The following CNIH1 variants were observed in gnomAD, a reference collection of about 807,000 sequenced individuals.
The protein encoded by CNIH1 is cornichon family member 1.
A neutral mutation model predicts 20.2 loss-of-function variants in CNIH1; 12 were observed. That is an observed-to-expected ratio of 0.59 (90% CI 0.38 to 0.96). The LOEUF (loss-of-function observed/expected upper bound fraction) is 0.96. Ranked by LOEUF, CNIH1 falls within the 40% of genes least tolerant of loss-of-function variation. The probability of loss-of-function intolerance (pLI) is 0.00; values close to 1 mark genes in which losing one functional copy is unlikely to be tolerated. For synonymous variants in CNIH1, 69 were observed against 63.3 expected (o/e 1.09, Z -0.43); for missense variants, 152 against 178.8 (o/e 0.85, Z 0.85).
chr14:54,424,604 G>C lies in CNIH1; in HGVS notation c.*3210C>G, dbSNP rs2030790935. 1.3e-5 allele frequency: 2 copies of C among 152,184 alleles called. No homozygotes were observed. Among genetic ancestry groups the C allele is most frequent in the South Asian group, 4.1e-4 (2 of 4,832 alleles). 9.4% of individuals were successfully genotyped at this position (152,184 alleles called of 1,614,324 possible). On this transcript the variant is annotated 3_prime_UTR_variant, in exon 5 of 5. Coordinates refer to ENST00000216416, the MANE Select transcript of CNIH1 (RefSeq NM_005776.3). ...AGGAGAAGAGAGGTGTTGTACAAAG[G>C]ATTTTGCTGGTTTCAAAGCACATAC...
intron 3 of CNIH1, 68 bp downstream of exon 3, chr14:54,432,040 A>G: frequency 1.4e-6 from 1 of 722,570 alleles, no homozygotes. Flanking sequence ...CATGTAAGAT[A>G]ACCATATCAA....
chr14:54,441,012 T>G (rs376940815), intron 1 of CNIH1, among the ~76,000 whole-genome samples: 3 of 150,962 alleles, frequency 2.0e-5, no homozygotes, highest in East Asian at 3.9e-4. Flanking sequence ...AGGGGAGGAG[T>G]AGCGGTGCGC....
chr14:54,436,274 T>C, intron 2 of CNIH1, 95 bp downstream of exon 2: 1 of 765,564 alleles, frequency 1.3e-6, no homozygotes, highest in South Asian at 1.5e-5. Context: ...ACAAATATAT[T>C]ATGCTACTCA....
intron 2 of CNIH1, among the ~76,000 whole-genome samples, chr14:54,434,362 G>A (rs139150891): frequency 4.0e-4 from 61 of 152,144 alleles, no homozygotes; most frequent in Middle Eastern, 6.8e-3. Context: ...GCCAGGAATC[G>A]CACATTACCT....
In CNIH1 at chr14:54,427,721, G is replaced by T; in HGVS notation, c.*93C>A. 1 of 1,287,392 alleles carries T rather than the reference G, an allele frequency of 7.8e-7. No homozygotes were observed. The highest frequency in any genetic ancestry group is 1.1e-6 in the Non-Finnish European group (1 of 901,096). 79.7% of individuals were successfully genotyped at this position (1,287,392 alleles called of 1,614,324 possible). Reference sequence around the variant, plus strand: ...TTAAAGTAACTGATCAGATTCCACAGGCTACTCTTGGACAGGATCTTGCTG... The same window carrying T: ...TTAAAGTAACTGATCAGATTCCACATGCTACTCTTGGACAGGATCTTGCTG... On this transcript the variant is annotated 3_prime_UTR_variant, in exon 5 of 5. Transcript: ENST00000216416.
chr14:54,435,821 C>T (rs1030843867), intron 2 of CNIH1, among the ~76,000 whole-genome samples: 2 of 152,214 alleles, frequency 1.3e-5, no homozygotes, highest in Admixed American at 1.3e-4. Flanking sequence ...AACCAACTTT[C>T]AAGTACTACA....
At chr14:54,433,815 CT>C (rs2140003392) in intron 2 of CNIH1, among the ~76,000 whole-genome samples, 1 of 152,252 alleles carries the variant, frequency 6.6e-6, no homozygotes, top group Non-Finnish European at 1.5e-5. Flanking sequence ...CCCTCCCGCT[CT>C]TAATATTACT....
At position 54,425,518 on chromosome 14, in the gene CNIH1, G is replaced by A. The variant is rs1313702038; in HGVS notation, c.*2296C>T. On this transcript the variant is annotated 3_prime_UTR_variant, in exon 5 of 5. Coordinates refer to ENST00000216416, the MANE Select transcript of CNIH1 (RefSeq NM_005776.3). The stretch of plus-strand genomic sequence containing the variant: ...TAATAGGCTAGGGCCACCCCAAAGA[G>A]ATTGATGTGGAAAATAAATCCAGAG... 1.3e-5 allele frequency: 2 copies of A among 152,188 alleles called. No homozygotes were observed. The highest frequency in any genetic ancestry group is 3.8e-4 in the East Asian group (2 of 5,204). 9.4% of individuals were successfully genotyped at this position (152,188 alleles called of 1,614,324 possible). A position where few individuals can be genotyped will look rare whatever the true frequency, so the allele number is the denominator to read the frequency against.
chr14:54,440,948 G>C (rs2031158341), intron 1 of CNIH1, among the ~76,000 whole-genome samples: 1 of 151,724 alleles, frequency 6.6e-6, no homozygotes, highest in Non-Finnish European at 1.5e-5. Context: ...AGGTCGGTGC[G>C]AACGCAGCGC....
chr14:54,436,878 C>G (rs754190959), intron 1 of CNIH1: 10 of 401,042 alleles, frequency 2.5e-5, no homozygotes, highest in Non-Finnish European at 4.8e-5. Context: ...CTCCACACAG[C>G]ATGGGACTCT....
At chr14:54,437,939 T>A (rs532192963) in intron 1 of CNIH1, among the ~76,000 whole-genome samples, 2 of 151,728 alleles carry the variant, frequency 1.3e-5, no homozygotes, top group Admixed American at 6.6e-5. Flanking sequence ...TCTTTAAAAC[T>A]GACATTTAAT....
In CNIH1 at chr14:54,430,402, T is replaced by C. The variant is rs1199084034; in HGVS notation, c.266A>G (p.Tyr89Cys). Reference protein sequence around the residue: ...MPLLAYHIWRYMSRPVMSGPG... With the variant: ...MPLLAYHIWRCMSRPVMSGPG... ...GCCACTCATCACTGGTCTACTCATA[T>C]ACCTGGAATAAACACAGTCTATTAG... Residue 89 changes from tyrosine (Y) to cysteine (C), a missense_variant and splice_region_variant, in exon 4 of 5, where the codon TAT becomes TGT. Coordinates refer to ENST00000216416, the MANE Select transcript of CNIH1 (RefSeq NM_005776.3). 2 of 1,613,260 alleles carry C rather than the reference T, an allele frequency of 1.2e-6. No homozygotes were observed. The highest frequency in any genetic ancestry group is 1.1e-5 in the South Asian group (1 of 90,820).
chr14:54,431,114 T>C (rs2030934123), intron 3 of CNIH1, among the ~76,000 whole-genome samples: 1 of 152,016 alleles, frequency 6.6e-6, no homozygotes, highest in African/African-American at 2.4e-5. Context: ...CATGAGCCAC[T>C]GTACCTGGCC....
chr14:54,439,373 A>G (rs2031120196), intron 1 of CNIH1, among the ~76,000 whole-genome samples: 1 of 151,910 alleles, frequency 6.6e-6, no homozygotes, highest in African/African-American at 2.4e-5. Context: ...CATTTTTTGA[A>G]AGTGCGGTTC....
At position 54,423,751 on chromosome 14, in the gene CNIH1, A is replaced by G. The variant is rs2030773923; in HGVS notation, c.*4063T>C. 6.6e-6 allele frequency: 1 copy of G among 152,216 alleles called. No homozygotes were observed. Among genetic ancestry groups the G allele is most frequent in the South Asian group, 2.1e-4 (1 of 4,830 alleles). 9.4% of individuals were successfully genotyped at this position (152,216 alleles called of 1,614,324 possible). ...TTAGTAGTTTTAGGGTCTGCCCAGT[A>G]ATCAAGAAATTTTACTTCTCCAGAA... is the stretch of plus-strand genomic sequence containing the variant. On this transcript the variant is annotated 3_prime_UTR_variant, in exon 5 of 5. Coordinates refer to ENST00000216416, the MANE Select transcript of CNIH1 (RefSeq NM_005776.3).
Position 54,432,089 on chromosome 14 carries a change from A to G in CNIH1, c.263+19T>C. ...AAGTTTTAATTTAAAAAAATATTAAAAGTGTATCTAAATATTACCTCCAAA... is the reference window on the plus strand; with the variant it reads ...AAGTTTTAATTTAAAAAAATATTAAGAGTGTATCTAAATATTACCTCCAAA... On this transcript the variant is annotated intron_variant, in intron 3 of 4. Coordinates refer to ENST00000216416, the MANE Select transcript of CNIH1 (RefSeq NM_005776.3). 5.5e-6 allele frequency: 7 copies of G among 1,268,290 alleles called. No homozygotes were observed. The highest frequency in any genetic ancestry group is 7.4e-6 in the Non-Finnish European group (7 of 942,772). The allele number at this position is 1,268,290 out of a possible 1,614,324, so 78.6% of individuals were successfully genotyped here.
At chr14:54,439,325 C>G (rs1371233297) in intron 1 of CNIH1, among the ~76,000 whole-genome samples, 2 of 151,962 alleles carry the variant, frequency 1.3e-5, no homozygotes, top group African/African-American at 4.8e-5. Flanking sequence ...AAATTATTTA[C>G]TTCACCCAGA....
intron 1 of CNIH1, among the ~76,000 whole-genome samples, chr14:54,439,299 T>G (rs1185299879): frequency 6.6e-6 from 1 of 152,152 alleles, no homozygotes; most frequent in African/African-American, 2.4e-5. Flanking sequence ...TTTTTTTCAT[T>G]GTATAACACG....
At position 54,430,233 on chromosome 14, in the gene CNIH1, C is replaced by T. The variant is rs1051464074; in HGVS notation, c.407+28G>A. 7 of 1,608,498 alleles carry T rather than the reference C, an allele frequency of 4.4e-6. No homozygotes were observed. In the South Asian group the frequency reaches 4.4e-5, roughly 10 times the overall value. The stretch of plus-strand genomic sequence containing the variant: ...AACTTTTAAAGCAGCAAAGTGAAAG[C>T]ATATTTCATTTTACCTTTTCAACTT... On this transcript the variant is annotated intron_variant, in intron 4 of 4. Coordinates refer to ENST00000216416, the MANE Select transcript of CNIH1 (RefSeq NM_005776.3).
Sources: allele counts gnomAD v4.1 joint callset (sites outside exome capture counted in the v4.1 genomes callset), GRCh38; gene constraint gnomAD v4.1.1; transcripts MANE v1.5; gene names NCBI Gene and HGNC (gene_info 2026-07-23, HGNC 2026-07-21).